The following CAMK2D variants were observed in gnomAD, a reference collection of about 807,000 sequenced individuals.
The protein encoded by CAMK2D is calcium/calmodulin-dependent protein kinase type II subunit delta.
Under a neutral mutation model 84.0 loss-of-function variants are expected in CAMK2D, and 37 were observed. The ratio of observed to expected loss-of-function variants is 0.44; its 90% confidence interval spans 0.34 to 0.58. CAMK2D has a LOEUF of 0.58. Among genes scored for constraint, CAMK2D ranks in the 20% least tolerant of loss-of-function variants. The pLI, the probability that CAMK2D is intolerant of heterozygous loss-of-function variation, is 0.02. For synonymous variants in CAMK2D, 202 were observed against 212.5 expected (o/e 0.95, Z 0.43); for missense variants, 448 against 652.5 (o/e 0.69, Z 3.41).
intron 16 of CAMK2D, among the ~76,000 whole-genome samples, chr4:113,476,095 G>A (rs1002770741): frequency 4.5e-4 from 69 of 152,134 alleles, no homozygotes; most frequent in Non-Finnish European, 8.2e-4. Flanking sequence ...AAAAATGATA[G>A]AACCTCTTGA....
At chr4:113,457,143 C>T in intron 19 of CAMK2D, 192 bp downstream of exon 19, 2 of 1,415,220 alleles carry the variant, frequency 1.4e-6, no homozygotes, top group Non-Finnish European at 1.8e-6. Context: ...TAGCAAGTTT[C>T]AACCCACAAA....
intron 9 of CAMK2D, among the ~76,000 whole-genome samples, chr4:113,515,473 A>T (rs1431292648): frequency 6.6e-6 from 1 of 152,066 alleles, no homozygotes; most frequent in Non-Finnish European, 1.5e-5. Flanking sequence ...GAAAAAAAGA[A>T]CTTAAGAATC....
At chr4:113,588,120 A>G (rs2098842381) in intron 4 of CAMK2D, among the ~76,000 whole-genome samples, 1 of 152,206 alleles carries the variant, frequency 6.6e-6, no homozygotes, top group Non-Finnish European at 1.5e-5. Context: ...CTGAGAAAAT[A>G]TATTAATCCA....
chr4:113,628,325 A>G (rs2099075973), intron 3 of CAMK2D, among the ~76,000 whole-genome samples: 2 of 152,196 alleles, frequency 1.3e-5, no homozygotes, highest in African/African-American at 4.8e-5. Context: ...TCCATTCAGG[A>G]AAGGAAATAA....
chr4:113,570,301 T>C (rs916558989), intron 4 of CAMK2D, among the ~76,000 whole-genome samples: 2 of 152,160 alleles, frequency 1.3e-5, no homozygotes, highest in African/African-American at 2.4e-5. Context: ...TATGCAACCA[T>C]GAAATACTAA....
chr4:113,568,208 A>G (rs2098734859), intron 4 of CAMK2D, among the ~76,000 whole-genome samples: 1 of 152,118 alleles, frequency 6.6e-6, no homozygotes, highest in African/African-American at 2.4e-5. Context: ...TCCAAACAGA[A>G]CTCTGTACCC....
intron 2 of CAMK2D, among the ~76,000 whole-genome samples, chr4:113,751,416 A>G (rs1283178417): frequency 6.6e-6 from 1 of 152,204 alleles, no homozygotes; most frequent in Non-Finnish European, 1.5e-5. Flanking sequence ...CTATATTTAC[A>G]TTTAATAAGT....
chr4:113,614,756 T>C (rs193204134), intron 3 of CAMK2D, among the ~76,000 whole-genome samples: 7 of 152,280 alleles, frequency 4.6e-5, no homozygotes, highest in Non-Finnish European at 5.9e-5. Flanking sequence ...TACCTAACAA[T>C]AGATAAATAA....
chr4:113,519,873 A>G (rs2098333852), intron 8 of CAMK2D, among the ~76,000 whole-genome samples: 1 of 152,186 alleles, frequency 6.6e-6, no homozygotes, highest in African/African-American at 2.4e-5. Context: ...GAGATTAAGT[A>G]ACTGTTTCAA....
chr4:113,760,698 A>T (rs1007656955), intron 1 of CAMK2D, among the ~76,000 whole-genome samples: 2 of 152,094 alleles, frequency 1.3e-5, no homozygotes, highest in Non-Finnish European at 2.9e-5. Context: ...CACACTTCTC[A>T]GGATGATAGC....
At position 113,759,434 on chromosome 4, in the gene CAMK2D, A is replaced by ATTAT; in HGVS notation, c.66-21_66-20insATAA. The stretch of plus-strand genomic sequence containing the variant: ...GCCCCCCTGGAAACCAATAATTAGC[A>ATTAT]GGTCATTAATATAACAGATATAATA... On this transcript the variant is annotated intron_variant, in intron 1 of 20. Transcript: ENST00000511664. 7.0e-7 allele frequency: 1 copy of ATTAT among 1,421,512 alleles called. No individual in the cohort carries two copies. The allele number at this position is 1,421,512 out of a possible 1,614,324, so 88.1% of individuals were successfully genotyped here.
chr4:113,533,874 A>G (rs1038040547), intron 7 of CAMK2D, among the ~76,000 whole-genome samples: 23 of 152,158 alleles, frequency 1.5e-4, no homozygotes, highest in Admixed American at 1.0e-3. Context: ...GGGAAAAAAC[A>G]AACAAGTTGG....
At chr4:113,526,444 GCA>G (rs760144736) in intron 8 of CAMK2D, among the ~76,000 whole-genome samples, 12 of 151,046 alleles carry the variant, frequency 7.9e-5, no homozygotes, top group African/African-American at 2.2e-4. Context: ...GTGTGTGTGT[GCA>G]TGCATGTATG....
chr4:113,685,629 T>G (rs2099357599), intron 2 of CAMK2D, among the ~76,000 whole-genome samples: 1 of 152,164 alleles, frequency 6.6e-6, no homozygotes, highest in Admixed American at 6.5e-5. Flanking sequence ...AAAAACAAAA[T>G]TAGGTAATAT....
At chr4:113,692,355 A>G (rs918043040) in intron 2 of CAMK2D, among the ~76,000 whole-genome samples, 2 of 152,158 alleles carry the variant, frequency 1.3e-5, no homozygotes, top group African/African-American at 4.8e-5. Flanking sequence ...TTTGAGTAAT[A>G]TTAAATTGTG....
chr4:113,457,178 G>A (rs2097313004), intron 19 of CAMK2D, 157 bp downstream of exon 19: 6 of 1,441,812 alleles, frequency 4.2e-6, no homozygotes, highest in East Asian at 5.0e-5. Flanking sequence ...GATCTTTCCA[G>A]AGAATCATAA....
At chr4:113,667,064 A>G (rs187424117) in intron 2 of CAMK2D, among the ~76,000 whole-genome samples, 41 of 152,336 alleles carry the variant, frequency 2.7e-4, no homozygotes, top group Non-Finnish European at 5.9e-5. Flanking sequence ...AGTAAGAGAC[A>G]TTCTACTTGC....
chr4:113,694,586 T>C (rs986787384), intron 2 of CAMK2D, among the ~76,000 whole-genome samples: 1 of 152,120 alleles, frequency 6.6e-6, no homozygotes, highest in Non-Finnish European at 1.5e-5. Flanking sequence ...CCCAAGATTA[T>C]CACCAAAACC....
intron 5 of CAMK2D, chr4:113,548,768 T>G: frequency 2.1e-6 from 2 of 964,152 alleles, no homozygotes; most frequent in African/African-American, 1.6e-5. Flanking sequence ...GGAGAACATT[T>G]TAAAGGCACA....
Sources: gnomAD v4.1 joint callset for allele counts (sites outside exome capture counted in the v4.1 genomes callset) on GRCh38, gnomAD v4.1.1 for gene constraint, MANE v1.5 for transcripts, NCBI Gene and HGNC (gene_info 2026-07-23, HGNC 2026-07-21) for gene names.